Variants in SYT17 observed in about 807,000 individuals in gnomAD.
The protein encoded by SYT17 is synaptotagmin-17.
In SYT17, 22 loss-of-function variants were observed where a neutral mutation model predicts 46.7. The observed-to-expected ratio is 0.47, with a 90% confidence interval of 0.34 to 0.67. The LOEUF (loss-of-function observed/expected upper bound fraction) is 0.67, where lower values mean the gene tolerates loss of function less well. Ranked by LOEUF, SYT17 falls within the 30% of genes least tolerant of loss-of-function variation. SYT17 has a pLI of 0.01. For synonymous variants in SYT17, 251 were observed against 248.4 expected, an observed-to-expected ratio of 1.01 and a Z score of -0.10; for missense variants, 519 against 612.8, an observed-to-expected ratio of 0.85 and a Z score of 1.62.
At chr16:19,237,589 T>G (rs1011144729) in intron 7 of SYT17, among the ~76,000 whole-genome samples, 3 of 152,198 alleles carry the variant, frequency 2.0e-5, no homozygotes, top group Admixed American at 6.5e-5. Flanking sequence ...TTAATCTACA[T>G]GTAATTAAAC....
intron 7 of SYT17, among the ~76,000 whole-genome samples, chr16:19,233,017 T>C (rs1320017578): frequency 1.3e-5 from 2 of 151,966 alleles, no homozygotes; most frequent in Non-Finnish European, 1.5e-5. Flanking sequence ...TTTTTTGGGG[T>C]TTTGGAAGGC....
intron 7 of SYT17, among the ~76,000 whole-genome samples, chr16:19,257,125 T>C (rs1229023560): frequency 6.6e-6 from 1 of 152,210 alleles, no homozygotes; most frequent in Non-Finnish European, 1.5e-5. Context: ...TTGCTGTTAC[T>C]GATTTTTAAT....
At chr16:19,235,517 C>G (rs1221559417) in intron 7 of SYT17, among the ~76,000 whole-genome samples, 1 of 152,072 alleles carries the variant, frequency 6.6e-6, no homozygotes, top group Non-Finnish European at 1.5e-5. Context: ...TTAAAAATGG[C>G]CAGGATACAA....
At chr16:19,179,118 C>T (rs745308405) in intron 3 of SYT17, among the ~76,000 whole-genome samples, 1 of 152,018 alleles carries the variant, frequency 6.6e-6, no homozygotes, top group Non-Finnish European at 1.5e-5. Flanking sequence ...CAACCAAGCA[C>T]TGTTCTAAGC....
At chr16:19,222,078 C>T (rs962381127) in intron 5 of SYT17, among the ~76,000 whole-genome samples, 1 of 151,958 alleles carries the variant, frequency 6.6e-6, no homozygotes, top group Non-Finnish European at 1.5e-5. Context: ...GTTTTAATGT[C>T]CTCATCAGTT....
In SYT17 at chr16:19,202,836, C is replaced by T. The variant is rs368450484; in HGVS notation, c.951+18689C>T. ...TGACCTCCAGGTTCAAGCAATCCTC[C>T]CACCTCAGCCTCCAGAATAGCTGGG... On this transcript the variant is annotated intron_variant, in intron 5 of 7. Transcript: ENST00000355377. Among the ~76,000 whole-genome samples the T allele has an allele frequency of 5.9e-5, 9 of 152,270 alleles. No individual in the cohort carries two copies. The East Asian group carries it at 1.2e-3, about 20-fold the overall frequency.
chr16:19,195,930 A>G (rs1255878938), intron 5 of SYT17, among the ~76,000 whole-genome samples: 1 of 152,106 alleles, frequency 6.6e-6, no homozygotes, highest in African/African-American at 2.4e-5. Flanking sequence ...GGCTGCTGTG[A>G]GCTATGATGG....
At chr16:19,254,415 C>T (rs1968410561) in intron 7 of SYT17, among the ~76,000 whole-genome samples, 1 of 152,164 alleles carries the variant, frequency 6.6e-6, no homozygotes, top group Non-Finnish European at 1.5e-5. Flanking sequence ...AAACCAGTGC[C>T]ACCCAGGCCC....
Position 19,241,243 on chromosome 16 carries a change from G to A in SYT17, c.1228+16405G>A, listed in dbSNP as rs547910885. On this transcript the variant is annotated intron_variant, in intron 7 of 7. Transcript: ENST00000355377. Reference sequence around the variant, plus strand: ...ATTACAGGCGTGAGCCACCGCGCCCGGCCCCCTAGGCTCAGTTCTGACTTT... The same window carrying A: ...ATTACAGGCGTGAGCCACCGCGCCCAGCCCCCTAGGCTCAGTTCTGACTTT... Among the ~76,000 whole-genome samples the A allele has an allele frequency of 1.4e-3, 216 of 152,148 alleles. 1 individual carries two copies. Among genetic ancestry groups the A allele is most frequent in the African/African-American group, 4.9e-3 (205 of 41,542 alleles).
rs768572718 is a variant in SYT17, at chr16:19,267,752, T to A, written c.*676T>A. 3 of 152,220 alleles carry A rather than the reference T, an allele frequency of 2.0e-5. No homozygotes were observed. Among genetic ancestry groups the A allele is most frequent in the Non-Finnish European group, 4.4e-5 (3 of 68,056 alleles). 9.4% of individuals were successfully genotyped at this position (152,220 alleles called of 1,614,324 possible). Reference sequence around the variant, plus strand: ...TCCCAGGGAACGCCCTGTGGGTATGTATGTGTATGTCCTCGTGCATGTGCC... The same window carrying A: ...TCCCAGGGAACGCCCTGTGGGTATGAATGTGTATGTCCTCGTGCATGTGCC... On this transcript the variant is annotated 3_prime_UTR_variant, in exon 8 of 8. Coordinates refer to ENST00000355377, the MANE Select transcript of SYT17 (RefSeq NM_016524.4).
Position 19,267,317 on chromosome 16 carries a change from T to C in SYT17, c.*241T>C, listed in dbSNP as rs1969436745. 2.5e-6 allele frequency: 1 copy of C among 400,792 alleles called. No homozygotes were observed. The highest frequency in any genetic ancestry group is 4.1e-5 in the Admixed American group (1 of 24,518). The allele number at this position is 400,792 out of a possible 1,614,324, so 24.8% of individuals were successfully genotyped here. A position where few individuals can be genotyped will look rare whatever the true frequency, so the allele number is the denominator to read the frequency against. On this transcript the variant is annotated 3_prime_UTR_variant, in exon 8 of 8. Coordinates refer to ENST00000355377, the MANE Select transcript of SYT17 (RefSeq NM_016524.4). Reference sequence around the variant, plus strand: ...AGGAACTTTCCGGAAGCCCCATCCATAGATCACAAGCTCAGTGGGCTCTGC... The same window carrying C: ...AGGAACTTTCCGGAAGCCCCATCCACAGATCACAAGCTCAGTGGGCTCTGC...
At chr16:19,242,491 A>C (rs1050737686) in intron 7 of SYT17, among the ~76,000 whole-genome samples, 1 of 152,170 alleles carries the variant, frequency 6.6e-6, no homozygotes, top group Admixed American at 6.5e-5. Flanking sequence ...AGCAGAGACT[A>C]TAGCAAGGAA....
chr16:19,168,030 T>A (rs1457164496), upstream of SYT17: 1 of 152,298 alleles, frequency 6.6e-6, no homozygotes, highest in Non-Finnish European at 1.5e-5. The surrounding 1 kb of genome is among the most constrained non-coding windows in gnomAD (Gnocchi z 6.9). Context: ...ATAAAGTTTT[T>A]CCAACCCAGT....
chr16:19,180,272 C>A, intron 3 of SYT17, 119 bp from the exon 4 acceptor site: 1 of 1,089,540 alleles, frequency 9.2e-7, no homozygotes, highest in Non-Finnish European at 1.4e-6. Flanking sequence ...TTGCATTATT[C>A]CATGTTGCAT....
At chr16:19,263,201 C>T (rs368508271) in intron 7 of SYT17, among the ~76,000 whole-genome samples, 4 of 152,132 alleles carry the variant, frequency 2.6e-5, no homozygotes, top group African/African-American at 9.6e-5. Flanking sequence ...TTTTATCACC[C>T]CAAAAAGGAG....
At chr16:19,192,420 C>T (rs1400484826) in intron 5 of SYT17, among the ~76,000 whole-genome samples, 2 of 150,362 alleles carry the variant, frequency 1.3e-5, no homozygotes, top group African/African-American at 4.9e-5. Flanking sequence ...GACCCTGTCT[C>T]ATAGAAAAAA....
At chr16:19,237,560 T>C (rs537352819) in intron 7 of SYT17, among the ~76,000 whole-genome samples, 3 of 152,320 alleles carry the variant, frequency 2.0e-5, no homozygotes, top group Non-Finnish European at 2.9e-5. Context: ...TTCCTAGAAA[T>C]TTCTGCATAA....
chr16:19,200,132 G>A (rs1483387508), intron 5 of SYT17, among the ~76,000 whole-genome samples: 1 of 152,224 alleles, frequency 6.6e-6, no homozygotes, highest in Non-Finnish European at 1.5e-5. Context: ...AGTATCAAAA[G>A]AGGTGAATCA....
At chr16:19,218,111 T>C (rs1257651730) in intron 5 of SYT17, among the ~76,000 whole-genome samples, 2 of 152,206 alleles carry the variant, frequency 1.3e-5, no homozygotes, top group Non-Finnish European at 2.9e-5. Context: ...TCTGGAGTTG[T>C]TAAGGAAAAG....
Sources: allele counts gnomAD v4.1 joint callset (sites outside exome capture counted in the v4.1 genomes callset), GRCh38; gene constraint gnomAD v4.1.1; non-coding constraint Gnocchi (gnomAD v3.1); transcripts MANE v1.5; gene names NCBI Gene and HGNC (gene_info 2026-07-23, HGNC 2026-07-21).